Variants in CTTNBP2 observed in about 807,000 individuals in gnomAD.
CTTNBP2 encodes cortactin binding protein 2.
Under a neutral mutation model 156.9 loss-of-function variants are expected in CTTNBP2, and 108 were observed. The ratio of observed to expected loss-of-function variants is 0.69; its 90% confidence interval spans 0.59 to 0.81. The LOEUF is 0.81. Ranked by LOEUF, CTTNBP2 falls within the 30% of genes least tolerant of loss-of-function variation. The probability of loss-of-function intolerance (pLI) is 0.00; values close to 1 mark genes in which losing one functional copy is unlikely to be tolerated. For synonymous variants in CTTNBP2, 767 were observed against 751.8 expected (o/e 1.02, Z -0.33); for missense variants, 1,924 against 2,035.4 (o/e 0.95, Z 1.05).
At chr7:117,846,073 G>A (rs893574073) in intron 2 of CTTNBP2, among the ~76,000 whole-genome samples, 15 of 151,984 alleles carry the variant, frequency 9.9e-5, no homozygotes, top group African/African-American at 2.9e-4. Flanking sequence ...GGATGGTCTC[G>A]ATCTCCTGAC....
chr7:117,820,167 C>CAA (rs770116442), intron 2 of CTTNBP2, among the ~76,000 whole-genome samples: 3 of 152,218 alleles, frequency 2.0e-5, no homozygotes, highest in African/African-American at 7.2e-5. Flanking sequence ...GAATGGTATA[C>CAA]AAGTGCTGCA....
intron 16 of CTTNBP2, among the ~76,000 whole-genome samples, chr7:117,733,964 T>C (rs1795543030): frequency 6.6e-6 from 1 of 152,242 alleles, no homozygotes; most frequent in Non-Finnish European, 1.5e-5. Context: ...GGAAAAGTGC[T>C]TTCCTCCCTG....
chr7:117,817,790 C>T (rs1305048565), intron 2 of CTTNBP2, among the ~76,000 whole-genome samples: 1 of 151,996 alleles, frequency 6.6e-6, no homozygotes, highest in Non-Finnish European at 1.5e-5. Flanking sequence ...TTGCTAGGTG[C>T]TTTTTATGCA....
chr7:117,797,790 A>T (rs1281062830), intron 3 of CTTNBP2, among the ~76,000 whole-genome samples: 1 of 152,220 alleles, frequency 6.6e-6, no homozygotes, highest in Non-Finnish European at 1.5e-5. Context: ...AACATTGAAC[A>T]GCATCTTATT....
At chr7:117,768,198 T>A (rs1797600458) in intron 8 of CTTNBP2, among the ~76,000 whole-genome samples, 1 of 152,152 alleles carries the variant, frequency 6.6e-6, no homozygotes, top group Non-Finnish European at 1.5e-5. Context: ...CTTATCTTTC[T>A]GTAGCACACC....
At chr7:117,727,456 A>G (rs1174849346) in intron 17 of CTTNBP2, among the ~76,000 whole-genome samples, 2 of 152,120 alleles carry the variant, frequency 1.3e-5, no homozygotes, top group Non-Finnish European at 1.5e-5. Flanking sequence ...CAACTTCCCA[A>G]TGATGGGATT....
intron 10 of CTTNBP2, chr7:117,760,130 A>G (rs1797117085): frequency 5.4e-6 from 2 of 372,454 alleles, no homozygotes; most frequent in Non-Finnish European, 9.8e-6. Context: ...CGCAAAAGCA[A>G]GCAGCTGTGG....
At chr7:117,838,439 G>A (rs576671826) in intron 2 of CTTNBP2, among the ~76,000 whole-genome samples, 5 of 152,190 alleles carry the variant, frequency 3.3e-5, no homozygotes, top group African/African-American at 1.2e-4. Context: ...CCTTGTTTGG[G>A]GGGATAACTT....
At chr7:117,848,688 C>T (rs1161385391) in intron 2 of CTTNBP2, among the ~76,000 whole-genome samples, 1 of 152,158 alleles carries the variant, frequency 6.6e-6, no homozygotes, top group East Asian at 1.9e-4. Context: ...TCATTTGCTC[C>T]AACCCAAGAG....
chr7:117,778,018 G>T (rs1480703274), intron 7 of CTTNBP2, among the ~76,000 whole-genome samples: 1 of 152,076 alleles, frequency 6.6e-6, no homozygotes. Flanking sequence ...TAACCATTTG[G>T]GGTGAGCAGG....
At chr7:117,805,391 C>T (rs1024541711) in intron 3 of CTTNBP2, among the ~76,000 whole-genome samples, 9 of 152,164 alleles carry the variant, frequency 5.9e-5, no homozygotes, top group African/African-American at 1.9e-4. Context: ...AGGAAAGTCA[C>T]ACAGCAGTTA....
intron 5 of CTTNBP2, 58 bp downstream of exon 5, chr7:117,784,193 G>A (rs1798575340): frequency 6.8e-6 from 9 of 1,317,250 alleles, no homozygotes; most frequent in Non-Finnish European, 9.4e-6. Context: ...ATTGATACAT[G>A]GGCTTTTGAC....
intron 9 of CTTNBP2, among the ~76,000 whole-genome samples, chr7:117,763,356 T>A (rs1797305883): frequency 6.6e-6 from 1 of 152,150 alleles, no homozygotes; most frequent in South Asian, 2.1e-4. Flanking sequence ...CATATTATTC[T>A]CAGCTTAAAA....
rs762021072 is a variant in CTTNBP2 at position 117,861,271 on chromosome 7, T to G, written c.127A>C (p.Met43Leu). ...VDTLSKSELR[M>L]LLSVMEGELE... ...TCCCCTTCCATCACGCTGAGGAGCA[T>G]CCGCAGCTCGGATTTACTGAGAGTA... The change falls in exon 2 of 23, where the codon ATG (methionine) becomes CTG (leucine). Residue 43 changes from methionine (M) to leucine (L), a missense_variant. Coordinates refer to ENST00000160373, the MANE Select transcript of CTTNBP2 (RefSeq NM_033427.3). 2 of 1,613,862 alleles carry G rather than the reference T, an allele frequency of 1.2e-6. No homozygotes were observed. The highest frequency in any genetic ancestry group is 2.2e-5 in the South Asian group (2 of 90,952).
intron 2 of CTTNBP2, among the ~76,000 whole-genome samples, chr7:117,823,141 C>T (rs186810177): frequency 1.8e-3 from 270 of 152,190 alleles, no homozygotes; most frequent in African/African-American, 6.1e-3. Flanking sequence ...TTATAATTCC[C>T]CAATGTAAAT....
chr7:117,758,109 T>C lies in CTTNBP2; in HGVS notation c.3173-139A>G, dbSNP rs1162939598. The stretch of plus-strand genomic sequence containing the variant: ...GTCAAAGGCATGTACGGAACACATA[T>C]AGGGCCACACAAGGGGTTAGCTCCC... On this transcript the variant is annotated intron_variant, in intron 10 of 22. Transcript: ENST00000160373. The C allele has an allele frequency of 4.9e-6, 3 of 617,982 alleles. No homozygotes were observed. In the East Asian group the frequency reaches 8.4e-5, roughly 17 times the overall value. The allele number at this position is 617,982 out of a possible 1,614,324, so 38.3% of individuals were successfully genotyped here.
intron 2 of CTTNBP2, among the ~76,000 whole-genome samples, chr7:117,858,233 G>A (rs1436175577): frequency 2.0e-5 from 3 of 152,164 alleles, no homozygotes; most frequent in South Asian, 4.1e-4. Context: ...AGCCGGGCAT[G>A]GTGGCAGGCA....
At chr7:117,721,729 T>TA (rs1039401321) in intron 19 of CTTNBP2, among the ~76,000 whole-genome samples, 6 of 152,048 alleles carry the variant, frequency 3.9e-5, no homozygotes, top group Non-Finnish European at 8.8e-5. Flanking sequence ...ATGACACAGT[T>TA]AAAAAAAGAG....
chr7:117,775,495 T>G (rs1029519839), intron 8 of CTTNBP2, among the ~76,000 whole-genome samples: 2 of 151,468 alleles, frequency 1.3e-5, no homozygotes, highest in Admixed American at 6.6e-5. Flanking sequence ...GAAGGGTAAC[T>G]CACCCTGGGG....
Sources: allele counts gnomAD v4.1 joint callset (sites outside exome capture counted in the v4.1 genomes callset), GRCh38; gene constraint gnomAD v4.1.1; transcripts MANE v1.5; gene names NCBI Gene and HGNC (gene_info 2026-07-23, HGNC 2026-07-21).